ELOVL2: variants seen among roughly 807,000 people sequenced by gnomAD.
ELOVL2 encodes very long chain fatty acid elongase 2.
ELOVL2 carries 38 observed loss-of-function variants against 37.7 expected under a neutral mutation model. The observed-to-expected ratio is 1.01, with a 90% CI of 0.78 to 1.32. ELOVL2 has a LOEUF of 1.32. Ranked by LOEUF, ELOVL2 falls within the 40% of genes most tolerant of loss-of-function variation. The pLI is 0.00. For missense variants in ELOVL2, 352 were observed against 363.6 expected (o/e 0.97, Z 0.26); for synonymous variants, 115 against 122.3 (o/e 0.94, Z 0.40).
At chr6:11,032,314 T>C (rs1782942032) in intron 1 of ELOVL2, among the ~76,000 whole-genome samples, 1 of 145,064 alleles carries the variant, frequency 6.9e-6, no homozygotes, top group Non-Finnish European at 1.5e-5. Flanking sequence ...CACATCTTTT[T>C]ACACAATTTG....
rs188203643 is a variant in ELOVL2 at position 11,037,677 on chromosome 6, T to C, written c.3+6551A>G. On this transcript the variant is annotated intron_variant, in intron 1 of 7. Coordinates refer to ENST00000354666, the MANE Select transcript of ELOVL2 (RefSeq NM_017770.4). ...AGTCACTCAGGCCACTCAATGTTCT[T>C]CTATGTCTGTGTACCATTTTATCCA... Among the ~76,000 whole-genome samples, 253 of 152,326 alleles carry C rather than the reference T, an allele frequency of 1.7e-3. 1 individual carries two copies. Among genetic ancestry groups the C allele is most frequent in the Non-Finnish European group, 2.7e-3 (187 of 68,032 alleles).
chr6:10,995,154 A>G lies in ELOVL2; in HGVS notation c.358T>C (p.Tyr120His). The G allele has an allele frequency of 6.2e-7, 1 of 1,611,426 alleles. No individual in the cohort carries two copies. Among genetic ancestry groups the G allele is most frequent in the South Asian group, 1.1e-5 (1 of 90,390 alleles). The change falls in exon 5 of 8, where the codon TAT becomes CAT. Residue 120 changes from tyrosine to histidine, a missense_variant. Coordinates refer to ENST00000354666, the MANE Select transcript of ELOVL2 (RefSeq NM_017770.4). ...AGGAACTCTACTGATTTGGAGAAAT[A>G]GTACCACCAAAGCACCTTGGCTACC... ...IRVAKVLWWYYFSKSVEFLDT... is the reference protein window; with the variant it reads ...IRVAKVLWWYHFSKSVEFLDT...
intron 4 of ELOVL2, 29 bp from the exon 5 acceptor site, chr6:10,995,207 G>C (rs771020800): frequency 2.0e-5 from 31 of 1,530,188 alleles, no homozygotes; most frequent in South Asian, 3.6e-5. Context: ...GGGAGAAAAG[G>C]GTGAGAAATG....
intron 7 of ELOVL2, among the ~76,000 whole-genome samples, chr6:10,986,458 C>T (rs1782055171): frequency 6.6e-6 from 1 of 152,162 alleles, no homozygotes; most frequent in East Asian, 1.9e-4. Context: ...CAGTTTTTGC[C>T]CATTCAGTAT....
intron 1 of ELOVL2, among the ~76,000 whole-genome samples, chr6:11,020,846 G>A (rs1440076751): frequency 1.3e-5 from 2 of 152,174 alleles, no homozygotes; most frequent in Non-Finnish European, 2.9e-5. Flanking sequence ...ATCATTACAA[G>A]TGTGGTTACT....
intron 3 of ELOVL2, 112 bp downstream of exon 3, chr6:11,005,260 G>C (rs1437697072): frequency 1.1e-6 from 1 of 897,984 alleles, no homozygotes. Context: ...GCTGGAATAA[G>C]TTTTTAGGTC....
chr6:11,027,936 T>C (rs1435395290), intron 1 of ELOVL2, among the ~76,000 whole-genome samples: 1 of 152,232 alleles, frequency 6.6e-6, no homozygotes. Context: ...TCTCTTTCAA[T>C]AGAGCCCTCA....
At position 11,019,113 on chromosome 6, in the gene ELOVL2, T is replaced by A. The variant is rs376936424; in HGVS notation, c.4-8304A>T. 1.7e-4 allele frequency among the ~76,000 whole-genome samples: 26 copies of A among 152,334 alleles called. No homozygotes were observed. In the South Asian group the frequency reaches 4.6e-3, roughly 27 times the overall value. ...TGCATTCAGACACTACATCAGCTAG[T>A]CCTTGCCAACAAACATCACCAGGTT... On this transcript the variant is annotated intron_variant, in intron 1 of 7. Coordinates refer to ENST00000354666, the MANE Select transcript of ELOVL2 (RefSeq NM_017770.4).
chr6:10,990,249 C>G (rs1354150647), intron 6 of ELOVL2, 69 bp downstream of exon 6: 37 of 1,568,972 alleles, frequency 2.4e-5, no homozygotes, highest in Non-Finnish European at 3.1e-5. Flanking sequence ...CCTCTGACTT[C>G]TAAGATTTCT....
In ELOVL2 at chr6:10,983,654, G is replaced by C. The variant is rs1219156805; in HGVS notation, c.*127C>G. 1.1e-5 allele frequency: 11 copies of C among 1,024,218 alleles called. No homozygotes were observed. Among genetic ancestry groups the C allele is most frequent in the Admixed American group, 6.2e-5 (2 of 32,306 alleles). 63.4% of individuals were successfully genotyped at this position (1,024,218 alleles called of 1,614,324 possible). On this transcript the variant is annotated 3_prime_UTR_variant, in exon 8 of 8. Transcript: ENST00000354666. ...AATAGCAATATATTAATACATTCTG[G>C]GTACAAATGATTTATGAACTCAAAA... is the stretch of plus-strand genomic sequence containing the variant.
intron 5 of ELOVL2, 39 bp downstream of exon 5, chr6:10,994,968 G>C (rs1350400640): frequency 6.7e-7 from 1 of 1,496,212 alleles, no homozygotes; most frequent in African/African-American, 1.4e-5. Context: ...GTCTCTAAGA[G>C]CCATTCCTCA....
intron 1 of ELOVL2, among the ~76,000 whole-genome samples, chr6:11,032,342 CAAAAAAAA>C (rs4053074): frequency 5.9e-5 from 7 of 119,188 alleles, no homozygotes; most frequent in African/African-American, 1.8e-4. Flanking sequence ...GTTTCCTATA[CAAAAAAAA>C]AAAAAAAAAA....
At position 11,044,151 on chromosome 6, in the gene ELOVL2, C is replaced by G; in HGVS notation, c.3+77G>C. On this transcript the variant is annotated intron_variant, in intron 1 of 7. Coordinates refer to ENST00000354666, the MANE Select transcript of ELOVL2 (RefSeq NM_017770.4). The surrounding 1 kb of genome is among the most constrained non-coding windows in gnomAD (Gnocchi z 5.6). ...GCGCCCGCGCCGGCGCCCGCTCGGC[C>G]CTTTCCCGCCCGGTGCGTGGGTCCA... is the stretch of plus-strand genomic sequence containing the variant. 1 of 1,413,416 alleles carries G rather than the reference C, an allele frequency of 7.1e-7. No homozygotes were observed. The highest frequency in any genetic ancestry group is 9.3e-7 in the Non-Finnish European group (1 of 1,078,244). The allele number at this position is 1,413,416 out of a possible 1,614,324, so 87.6% of individuals were successfully genotyped here.
chr6:10,985,226 A>C (rs1782025776), intron 7 of ELOVL2, among the ~76,000 whole-genome samples: 1 of 151,244 alleles, frequency 6.6e-6, no homozygotes, highest in South Asian at 2.1e-4. Context: ...TTTTCTTGTA[A>C]ATTTGTTTGA....
At chr6:11,004,146 T>A (rs545386374) in intron 3 of ELOVL2, among the ~76,000 whole-genome samples, 2 of 148,948 alleles carry the variant, frequency 1.3e-5, no homozygotes, top group Non-Finnish European at 2.9e-5. Flanking sequence ...CTATACTGAC[T>A]GATGCCTAAA....
rs546088849 is a variant in ELOVL2 at position 10,984,179 on chromosome 6, G to A, written c.766-273C>T. Among the ~76,000 whole-genome samples, 14 of 151,994 alleles carry A rather than the reference G, an allele frequency of 9.2e-5. No homozygotes were observed. The East Asian group carries it at 1.6e-3, about 17-fold the overall frequency. On this transcript the variant is annotated intron_variant, in intron 7 of 7. Transcript: ENST00000354666. ...ACTACAGGTGCACACCACCATGCCC[G>A]GCTAATTTATGTATTTTTAGTAGAG...
At chr6:11,024,837 G>A (rs1782816266) in intron 1 of ELOVL2, among the ~76,000 whole-genome samples, 1 of 152,194 alleles carries the variant, frequency 6.6e-6, no homozygotes, top group African/African-American at 2.4e-5. Flanking sequence ...TGGTTAACTG[G>A]AGGAAAGGTA....
intron 1 of ELOVL2, among the ~76,000 whole-genome samples, chr6:11,020,001 C>T (rs933290874): frequency 2.0e-5 from 3 of 152,196 alleles, no homozygotes; most frequent in African/African-American, 4.8e-5. Context: ...GCCTTGGCCT[C>T]CCAAAGTGCT....
intron 1 of ELOVL2, among the ~76,000 whole-genome samples, chr6:11,030,641 G>A (rs1167793453): frequency 2.0e-5 from 3 of 151,850 alleles, no homozygotes; most frequent in Non-Finnish European, 4.4e-5. Context: ...ACAGGCGCCC[G>A]CCACCACGCC....
Sources: allele counts gnomAD v4.1 joint callset (sites outside exome capture counted in the v4.1 genomes callset), GRCh38; gene constraint gnomAD v4.1.1; non-coding constraint Gnocchi (gnomAD v3.1); transcripts MANE v1.5; gene names NCBI Gene and HGNC (gene_info 2026-07-23, HGNC 2026-07-21).